The following CHRAC1 variants were observed in gnomAD, a reference collection of about 807,000 sequenced individuals.
CHRAC1 encodes the protein chromatin accessibility complex subunit 1, also known as chromatin accessibility complex protein 1.
Under a neutral mutation model 9.1 loss-of-function variants are expected in CHRAC1, and 6 were observed. The ratio of observed to expected loss-of-function variants is 0.66; its 90% confidence interval spans 0.36 to 1.29. The LOEUF (loss-of-function observed/expected upper bound fraction) is 1.29. CHRAC1 is among the 50% of genes most tolerant of loss of function. The pLI, the probability that CHRAC1 is intolerant of heterozygous loss-of-function variation, is 0.03. For synonymous variants in CHRAC1, 73 were observed against 64.5 expected (o/e 1.13, Z -0.63); for missense variants, 168 against 163.5 (o/e 1.03, Z -0.15).
intron 1 of CHRAC1, 169 bp downstream of exon 1, chr8:140,511,815 C>A: frequency 2.6e-6 from 2 of 774,302 alleles, no homozygotes; most frequent in Non-Finnish European, 4.0e-6. Context: ...TCGGTGCCCG[C>A]GCGCCCCCAC....
chr8:140,511,833 C>A, intron 1 of CHRAC1, 187 bp downstream of exon 1: 1 of 773,026 alleles, frequency 1.3e-6, no homozygotes, highest in Non-Finnish European at 2.0e-6. Flanking sequence ...CACACTTTCT[C>A]GCGCGTCTTC....
In CHRAC1 at chr8:140,511,338, T is replaced by C; in HGVS notation, c.-162T>C. 1 of 516,230 alleles carries C rather than the reference T, an allele frequency of 1.9e-6. No homozygotes were observed. The highest frequency in any genetic ancestry group is 3.0e-6 in the Non-Finnish European group (1 of 336,270). 32.0% of individuals were successfully genotyped at this position (516,230 alleles called of 1,614,324 possible). A position where few individuals can be genotyped will look rare whatever the true frequency, so the allele number is the denominator to read the frequency against. Reference sequence around the variant, plus strand: ...GCGCGAGGCCTCACGGAGCTCGTAGTTTCCCGGACGGGCCGCTCCCGGCCT... The same window carrying C: ...GCGCGAGGCCTCACGGAGCTCGTAGCTTCCCGGACGGGCCGCTCCCGGCCT... On this transcript the variant is annotated 5_prime_UTR_variant, in exon 1 of 3. Transcript: ENST00000220913.
At chr8:140,513,910 TTTC>T (rs1377452121) in intron 1 of CHRAC1, among the ~76,000 whole-genome samples, 2 of 141,132 alleles carry the variant, frequency 1.4e-5, no homozygotes, top group East Asian at 1.9e-4. Context: ...TCCCCAGTGA[TTTC>T]TTTTTTTTTT....
chr8:140,516,228 A>C lies in CHRAC1; in HGVS notation c.*981A>C, dbSNP rs1588419303. On this transcript the variant is annotated 3_prime_UTR_variant, in exon 3 of 3. Coordinates refer to ENST00000220913, the MANE Select transcript of CHRAC1 (RefSeq NM_017444.6). ...GGTGGCGCTGTCTCAGCTCACTGCA[A>C]CCTCCGCCTCCCAGGTTCAAGTGAT... is the stretch of plus-strand genomic sequence containing the variant. 1 of 148,242 alleles carries C rather than the reference A, an allele frequency of 6.7e-6. No individual in the cohort carries two copies. The highest frequency in any genetic ancestry group is 1.5e-5 in the Non-Finnish European group (1 of 67,312). The allele number at this position is 148,242 out of a possible 1,614,324, so 9.2% of individuals were successfully genotyped here.
At chr8:140,513,789 G>A (rs1312457604) in intron 1 of CHRAC1, among the ~76,000 whole-genome samples, 1 of 151,670 alleles carries the variant, frequency 6.6e-6, no homozygotes, top group Non-Finnish European at 1.5e-5. Context: ...AAACAGTTAC[G>A]ATTCATCTTT....
chr8:140,514,847 T>TA (rs1324299678), intron 2 of CHRAC1: 2 of 377,914 alleles, frequency 5.3e-6, no homozygotes, highest in Non-Finnish European at 9.5e-6. Flanking sequence ...ACCCTGGGGC[T>TA]AGCCTAGGCT....
chr8:140,515,038 AAGC>A (rs1485656384), intron 2 of CHRAC1, 85 bp from the exon 3 acceptor site: 1 of 1,324,616 alleles, frequency 7.5e-7, no homozygotes, highest in African/African-American at 1.5e-5. Context: ...ATAGAGGTCA[AAGC>A]AGGAACTAGT....
At chr8:140,511,738 G>T in intron 1 of CHRAC1, 92 bp downstream of exon 1, 1 of 1,147,498 alleles carries the variant, frequency 8.7e-7, no homozygotes, top group Non-Finnish European at 1.1e-6. Flanking sequence ...TTAGGCCCGC[G>T]CGCCGCCGGC....
rs1406063413 is a variant in CHRAC1 at position 140,516,718 on chromosome 8, CT to C, written c.*1472del. The stretch of plus-strand genomic sequence containing the variant: ...AAAATCTACTTTTTGGTGTACAGTT[CT>C]GAGTTTTGGCAAATGCAGTCAAGTC... On this transcript the variant is annotated 3_prime_UTR_variant, in exon 3 of 3. Transcript: ENST00000220913. 6.6e-6 allele frequency: 1 copy of C among 152,034 alleles called. No individual in the cohort carries two copies. Among genetic ancestry groups the C allele is most frequent in the Admixed American group, 6.6e-5 (1 of 15,254 alleles). 9.4% of individuals were successfully genotyped at this position (152,034 alleles called of 1,614,324 possible).
intron 1 of CHRAC1, among the ~76,000 whole-genome samples, chr8:140,513,763 C>G (rs916452500): frequency 5.9e-5 from 9 of 151,856 alleles, no homozygotes; most frequent in African/African-American, 2.2e-4. Context: ...TTCTTTTACT[C>G]TAGAGGTTGG....
Position 140,511,404 on chromosome 8 carries a change from CG to C in CHRAC1, c.-93del, listed in dbSNP as rs1564057645. ...CCACACTACAACTCCCACGGGGCAG[CG>C]GGCGCGGCTCCCCGTACCCACCAGC... On this transcript the variant is annotated 5_prime_UTR_variant, in exon 1 of 3. Transcript: ENST00000220913. 2 of 1,110,344 alleles carry C rather than the reference CG, an allele frequency of 1.8e-6. No homozygotes were observed. The highest frequency in any genetic ancestry group is 2.3e-6 in the Non-Finnish European group (2 of 856,948). The allele number at this position is 1,110,344 out of a possible 1,614,324, so 68.8% of individuals were successfully genotyped here.
intron 1 of CHRAC1, among the ~76,000 whole-genome samples, chr8:140,512,312 G>T (rs1301819201): frequency 1.3e-5 from 2 of 152,154 alleles, no homozygotes; most frequent in Non-Finnish European, 2.9e-5. Context: ...CTTTTCCCGC[G>T]CGTGCGGTGC....
At position 140,515,455 on chromosome 8, in the gene CHRAC1, A is replaced by T. The variant is rs980261040; in HGVS notation, c.*208A>T. The T allele has an allele frequency of 7.4e-6, 3 of 405,724 alleles. No homozygotes were observed. Among genetic ancestry groups the T allele is most frequent in the Non-Finnish European group, 1.3e-5 (3 of 231,788 alleles). The allele number at this position is 405,724 out of a possible 1,614,324, so 25.1% of individuals were successfully genotyped here. On this transcript the variant is annotated 3_prime_UTR_variant, in exon 3 of 3. Coordinates refer to ENST00000220913, the MANE Select transcript of CHRAC1 (RefSeq NM_017444.6). ...GACAGCCAGAGGGAAAGCGACCCAG[A>T]CAGCAGCCCCTCCTCGACAGGCCCA...
Position 140,515,946 on chromosome 8 carries a change from AT to A in CHRAC1, c.*700del, listed in dbSNP as rs2072331134. On this transcript the variant is annotated 3_prime_UTR_variant, in exon 3 of 3. Coordinates refer to ENST00000220913, the MANE Select transcript of CHRAC1 (RefSeq NM_017444.6). Reference sequence around the variant, plus strand: ...TCAAATTATCAAATCAAATACAAAAATAAGTCTTACCTCTTGTATAAGCATG... The same window carrying A: ...TCAAATTATCAAATCAAATACAAAAAAAGTCTTACCTCTTGTATAAGCATG... 6.6e-6 allele frequency: 1 copy of A among 152,224 alleles called. No homozygotes were observed. The highest frequency in any genetic ancestry group is 1.5e-5 in the Non-Finnish European group (1 of 68,044). 9.4% of individuals were successfully genotyped at this position (152,224 alleles called of 1,614,324 possible).
intron 1 of CHRAC1, 119 bp downstream of exon 1, chr8:140,511,765 G>T: frequency 7.3e-6 from 7 of 958,294 alleles, no homozygotes; most frequent in Non-Finnish European, 9.7e-6. Context: ...TGCCGGGCTC[G>T]CGCGCGCCCC....
intron 1 of CHRAC1, among the ~76,000 whole-genome samples, chr8:140,513,614 T>G (rs974770193): frequency 3.3e-5 from 5 of 151,578 alleles, no homozygotes; most frequent in Non-Finnish European, 7.4e-5. Context: ...TTTTTTTTTT[T>G]TATTTTATTT....
rs2072344491 is a variant in CHRAC1, at chr8:140,516,904, C to A, written c.*1657C>A. The A allele has an allele frequency of 6.6e-6, 1 of 152,266 alleles. No individual in the cohort carries two copies. The highest frequency in any genetic ancestry group is 1.5e-5 in the Non-Finnish European group (1 of 68,028). The allele number at this position is 152,266 out of a possible 1,614,324, so 9.4% of individuals were successfully genotyped here. On this transcript the variant is annotated 3_prime_UTR_variant, in exon 3 of 3. Transcript: ENST00000220913. ...GGAAAGGGCCATGCAGTAAATAGTTCAAGCTTTGTGGGCTTTTATAGTCTC... is the reference window on the plus strand; with the variant it reads ...GGAAAGGGCCATGCAGTAAATAGTTAAAGCTTTGTGGGCTTTTATAGTCTC...
intron 1 of CHRAC1, among the ~76,000 whole-genome samples, chr8:140,512,756 G>C (rs974814037): frequency 6.6e-6 from 1 of 152,204 alleles, no homozygotes; most frequent in African/African-American, 2.4e-5. Flanking sequence ...TTCATCTGGG[G>C]ACATTTGTAT....
chr8:140,515,098 T>C, intron 2 of CHRAC1, 28 bp from the exon 3 acceptor site: 1 of 1,605,026 alleles, frequency 6.2e-7, no homozygotes. Flanking sequence ...CCATAACCAA[T>C]TGCTGATGTA....
Sources: allele counts gnomAD v4.1 joint callset (sites outside exome capture counted in the v4.1 genomes callset), GRCh38; gene constraint gnomAD v4.1.1; transcripts MANE v1.5; gene names NCBI Gene and HGNC (gene_info 2026-07-23, HGNC 2026-07-21).